The following FSD1L variants were observed in gnomAD, a reference collection of about 807,000 sequenced individuals.
FSD1L encodes FSD1-like protein.
FSD1L carries 45 observed loss-of-function variants against 71.6 expected under a neutral mutation model. The ratio of observed to expected loss-of-function variants is 0.63; its 90% CI spans 0.49 to 0.81. The LOEUF is 0.81. Ranked by LOEUF, FSD1L falls within the 30% of genes least tolerant of loss-of-function variation. The pLI, the probability that FSD1L is intolerant of heterozygous loss-of-function variation, is 0.00. For synonymous variants in FSD1L, 197 were observed against 207.2 expected, an observed-to-expected ratio of 0.95 and a Z score of 0.42; for missense variants, 561 against 618.1, an observed-to-expected ratio of 0.91 and a Z score of 0.98.
In FSD1L at chr9:105,452,929, G is replaced by A. The variant is rs142876900; in HGVS notation, c.15+4694G>A. Among the ~76,000 whole-genome samples, 202 of 151,590 alleles carry A rather than the reference G, an allele frequency of 1.3e-3. 1 individual carries two copies. The highest frequency in any genetic ancestry group is 4.3e-3 in the African/African-American group (177 of 41,294). On this transcript the variant is annotated intron_variant, in intron 1 of 13. Transcript: ENST00000481272. ...TTTTTGTGTTTTTTGTAGAGACAGG[G>A]TTTTGCCATGTTGTCCAGGCTAGCC...
At chr9:105,479,332 C>G in intron 5 of FSD1L, 22 bp from the exon 6 acceptor site, 1 of 1,550,334 alleles carries the variant, frequency 6.5e-7, no homozygotes, top group East Asian at 2.4e-5. Context: ...CCTTCTTTCT[C>G]TTCTCCCTGA....
chr9:105,461,392 T>A (rs1830684919), intron 1 of FSD1L, 128 bp from the exon 2 acceptor site: 1 of 449,392 alleles, frequency 2.2e-6, no homozygotes, highest in East Asian at 3.4e-5. Context: ...TGTTAAATAT[T>A]GACTACATGT....
At chr9:105,442,520 CATAA>C in the FSD1L span, among the ~76,000 whole-genome samples, 1 of 143,756 alleles carries the variant, frequency 7.0e-6, no homozygotes, top group African/African-American at 2.6e-5. Flanking sequence ...CTCTACAAAA[CATAA>C]AAAAAAAAAA....
At chr9:105,499,382 C>T (rs1833628096) in intron 7 of FSD1L, among the ~76,000 whole-genome samples, 1 of 152,044 alleles carries the variant, frequency 6.6e-6, no homozygotes, top group Admixed American at 6.6e-5. Context: ...TTCACTTATC[C>T]TTCTCCATTG....
chr9:105,452,725 T>C (rs1830116413), intron 1 of FSD1L, among the ~76,000 whole-genome samples: 1 of 150,588 alleles, frequency 6.6e-6, no homozygotes, highest in African/African-American at 2.5e-5. Flanking sequence ...CTTCTTTCCT[T>C]CTTTCCTCCT....
intron 7 of FSD1L, among the ~76,000 whole-genome samples, chr9:105,495,330 C>T (rs975338143): frequency 2.0e-5 from 3 of 152,112 alleles, no homozygotes; most frequent in African/African-American, 4.8e-5. Context: ...TCTCCTGGTG[C>T]GCTGTTTTTA....
chr9:105,468,347 A>G, intron 4 of FSD1L, 23 bp downstream of exon 4: 1 of 1,464,794 alleles, frequency 6.8e-7, no homozygotes, highest in Non-Finnish European at 9.0e-7. Context: ...AGCTATTGAA[A>G]TATGGATAAT....
intron 3 of FSD1L, among the ~76,000 whole-genome samples, 158 bp from the exon 4 acceptor site, chr9:105,468,034 CT>C (rs1278965296): frequency 6.6e-6 from 1 of 152,172 alleles, no homozygotes; most frequent in Non-Finnish European, 1.5e-5. Flanking sequence ...GCATTTATCT[CT>C]TTTTAAAGCC....
intron 1 of FSD1L, among the ~76,000 whole-genome samples, chr9:105,459,875 C>T (rs1299425646): frequency 6.6e-6 from 1 of 152,162 alleles, no homozygotes; most frequent in African/African-American, 2.4e-5. Context: ...GCAGTGCGTC[C>T]TCTGAAAATA....
At chr9:105,493,236 TC>T (rs1411571526) in intron 7 of FSD1L, among the ~76,000 whole-genome samples, 1 of 152,096 alleles carries the variant, frequency 6.6e-6, no homozygotes, top group Non-Finnish European at 1.5e-5. Context: ...GTTGAATTGA[TC>T]CCTTTACCAT....
intron 7 of FSD1L, among the ~76,000 whole-genome samples, chr9:105,504,818 T>C (rs1286557400): frequency 6.6e-6 from 1 of 152,232 alleles, no homozygotes; most frequent in Non-Finnish European, 1.5e-5. Context: ...TTTTTCCGAA[T>C]ATTTTTTGAT....
chr9:105,529,537 C>T (rs926280858), intron 10 of FSD1L, among the ~76,000 whole-genome samples: 2 of 152,106 alleles, frequency 1.3e-5, no homozygotes, highest in Admixed American at 6.6e-5. Flanking sequence ...AAACCAAACG[C>T]CACGTGTTCT....
chr9:105,482,196 A>G (rs13301954), intron 6 of FSD1L, among the ~76,000 whole-genome samples: 2,467 of 152,318 alleles, frequency 0.016, 30 homozygotes, highest in Admixed American at 0.025. Context: ...ATCATTTGCT[A>G]TGGTAGAAGT....
At chr9:105,543,774 A>G (rs1836790218) in intron 13 of FSD1L, among the ~76,000 whole-genome samples, 1 of 152,006 alleles carries the variant, frequency 6.6e-6, no homozygotes, top group Non-Finnish European at 1.5e-5. Flanking sequence ...ATCCTTTTTT[A>G]TGGCTGCATA....
At chr9:105,446,591 G>A (rs1829653992), upstream of FSD1L, among the ~76,000 whole-genome samples, 1 of 151,688 alleles carries the variant, frequency 6.6e-6, no homozygotes, top group Non-Finnish European at 1.5e-5. Flanking sequence ...GGCTGGTCTC[G>A]AACTCCTGGA....
chr9:105,482,594 C>G (rs1027357981), intron 6 of FSD1L, among the ~76,000 whole-genome samples: 3 of 152,088 alleles, frequency 2.0e-5, no homozygotes, highest in African/African-American at 7.2e-5. Flanking sequence ...TTAGTTTGGG[C>G]TTTGAGGCAC....
chr9:105,541,645 A>T (rs1836623949), intron 13 of FSD1L, among the ~76,000 whole-genome samples: 1 of 152,062 alleles, frequency 6.6e-6, no homozygotes, highest in South Asian at 2.1e-4. Flanking sequence ...TACAAGATTA[A>T]TTTTTAAGTC....
At position 105,452,673 on chromosome 9, in the gene FSD1L, T is replaced by TGCCTG. The variant is rs1564073401; in HGVS notation, c.15+4438_15+4439insGCCTG. ...TGCCTGCCTGCCTGCCTGCCTGCCT[T>TGCCTG]CCTTCCTTCCTTCCTTCCTTCCTTC... On this transcript the variant is annotated intron_variant, in intron 1 of 13. Transcript: ENST00000481272. 7.6e-3 allele frequency among the ~76,000 whole-genome samples: 601 copies of TGCCTG among 79,556 alleles called. 1 individual carries two copies. The highest frequency in any genetic ancestry group is 0.032 in the African/African-American group (490 of 15,398). 52.2% of individuals were successfully genotyped at this position (79,556 alleles called of 152,430 possible). A position where few individuals can be genotyped will look rare whatever the true frequency, so the allele number is the denominator to read the frequency against.
At chr9:105,484,312 T>G in intron 6 of FSD1L, 69 bp from the exon 7 acceptor site, 1 of 1,192,596 alleles carries the variant, frequency 8.4e-7, no homozygotes, top group South Asian at 2.1e-5. Context: ...TCTTTTCATT[T>G]TATAAATTAA....
Sources: allele counts gnomAD v4.1 joint callset (sites outside exome capture counted in the v4.1 genomes callset), GRCh38; gene constraint gnomAD v4.1.1; transcripts MANE v1.5; gene names NCBI Gene and HGNC (gene_info 2026-07-23, HGNC 2026-07-21).